The following MKLN1 variants were observed in gnomAD, a reference collection of about 807,000 sequenced individuals.
The protein encoded by MKLN1 is muskelin 1, also known as muskelin.
In MKLN1, 18 loss-of-function variants were observed where a neutral mutation model predicts 99.0. The observed-to-expected ratio is 0.18, with a 90% CI of 0.13 to 0.27. The LOEUF (loss-of-function observed/expected upper bound fraction) is 0.27, where lower values mean the gene tolerates loss of function less well. Ranked by LOEUF, MKLN1 falls within the 10% of genes least tolerant of loss-of-function variation. The pLI, the probability that MKLN1 is intolerant of heterozygous loss-of-function variation, is 1.00. For synonymous variants in MKLN1, 288 were observed against 293.2 expected (o/e 0.98, Z 0.18); for missense variants, 621 against 875.9 (o/e 0.71, Z 3.67).
At chr7:131,448,111 C>T (rs1465648345) in intron 12 of MKLN1, among the ~76,000 whole-genome samples, 5 of 152,070 alleles carry the variant, frequency 3.3e-5, no homozygotes, top group African/African-American at 9.7e-5. Flanking sequence ...GCCTGTAGTC[C>T]CAGCTACTCG....
intron 17 of MKLN1, among the ~76,000 whole-genome samples, chr7:131,481,010 A>G (rs1304711907): frequency 1.3e-5 from 2 of 152,200 alleles, no homozygotes; most frequent in Non-Finnish European, 2.9e-5. Flanking sequence ...ACTGCCAACT[A>G]ATATATTTTG....
chr7:131,126,567 T>C (rs569726244), intron 1 of MKLN1, among the ~76,000 whole-genome samples: 31 of 152,312 alleles, frequency 2.0e-4, no homozygotes, highest in Non-Finnish European at 3.7e-4. Flanking sequence ...TATATTTTTT[T>C]TTCCTGATGG....
At chr7:131,347,345 A>C (rs948659287) in intron 1 of MKLN1, among the ~76,000 whole-genome samples, 2 of 152,196 alleles carry the variant, frequency 1.3e-5, no homozygotes, top group Non-Finnish European at 2.9e-5. Context: ...GAAGCTGCTC[A>C]GGCACAGGAA....
chr7:131,364,341 C>T (rs1010441269), intron 1 of MKLN1, among the ~76,000 whole-genome samples: 4 of 152,036 alleles, frequency 2.6e-5, no homozygotes, highest in South Asian at 2.1e-4. Flanking sequence ...TTCTAGACTT[C>T]CTGTGTGTGT....
At chr7:131,130,579 A>T (rs1473448416) in intron 1 of MKLN1, among the ~76,000 whole-genome samples, 1 of 152,234 alleles carries the variant, frequency 6.6e-6, no homozygotes, top group Admixed American at 6.5e-5. Flanking sequence ...GATAATGTTA[A>T]TACGTAAGAA....
intron 2 of MKLN1, among the ~76,000 whole-genome samples, chr7:131,189,199 T>C (rs895613254): frequency 1.3e-5 from 2 of 152,228 alleles, no homozygotes; most frequent in African/African-American, 4.8e-5. Context: ...ACTTTTATCA[T>C]TGGGTGGTGG....
intron 16 of MKLN1, among the ~76,000 whole-genome samples, chr7:131,473,146 A>G (rs907314875): frequency 2.0e-5 from 3 of 152,180 alleles, no homozygotes; most frequent in Non-Finnish European, 2.9e-5. Flanking sequence ...TTTGGGGGGA[A>G]GAAATCCTCT....
At chr7:131,236,960 G>T (rs964380350) in intron 3 of MKLN1, among the ~76,000 whole-genome samples, 1 of 152,106 alleles carries the variant, frequency 6.6e-6, no homozygotes, top group Non-Finnish European at 1.5e-5. Context: ...TTGCACTCTA[G>T]CCCGGGTGAC....
intron 4 of MKLN1, among the ~76,000 whole-genome samples, chr7:131,392,841 G>T (rs193217776): frequency 7.9e-5 from 12 of 152,170 alleles, no homozygotes; most frequent in Non-Finnish European, 1.6e-4. Context: ...CCGACCTGAG[G>T]CGATCCACCC....
intron 2 of MKLN1, among the ~76,000 whole-genome samples, chr7:131,186,604 G>C (rs529041092): frequency 3.3e-5 from 5 of 152,154 alleles, no homozygotes; most frequent in Admixed American, 6.6e-5. Flanking sequence ...TGGGCTTACG[G>C]TCTGTTTTAT....
intron 1 of MKLN1, among the ~76,000 whole-genome samples, chr7:131,121,756 A>G (rs1795376424): frequency 6.6e-6 from 1 of 151,996 alleles, no homozygotes; most frequent in Non-Finnish European, 1.5e-5. Context: ...TTCTAAGTGC[A>G]GATGTCCCCT....
chr7:131,365,685 A>G (rs1482627270), intron 1 of MKLN1, among the ~76,000 whole-genome samples: 2 of 152,128 alleles, frequency 1.3e-5, no homozygotes, highest in Non-Finnish European at 1.5e-5. Flanking sequence ...CCCCAACATC[A>G]TTTATGGGAA....
At chr7:131,425,565 G>A (rs975927087) in intron 8 of MKLN1, among the ~76,000 whole-genome samples, 4 of 152,146 alleles carry the variant, frequency 2.6e-5, no homozygotes, top group Admixed American at 2.0e-4. Flanking sequence ...ATTCTCTAAA[G>A]TGCTTTGCGA....
At chr7:131,187,448 G>A (rs1796468713) in intron 2 of MKLN1, among the ~76,000 whole-genome samples, 1 of 152,062 alleles carries the variant, frequency 6.6e-6, no homozygotes, top group African/African-American at 2.4e-5. Context: ...ACTATGGCCT[G>A]AGGGCCAAAT....
Position 131,117,434 on chromosome 7 carries a change from A to AC in MKLN1, c.-419+7227_-419+7228insC, listed in dbSNP as rs1584770375. 1.6e-4 allele frequency among the ~76,000 whole-genome samples: 12 copies of AC among 74,710 alleles called. No homozygotes were observed. In the East Asian group the frequency reaches 3.8e-3, roughly 24 times the overall value. 49.0% of individuals were successfully genotyped at this position (74,710 alleles called of 152,430 possible). A position where few individuals can be genotyped will look rare whatever the true frequency, so the allele number is the denominator to read the frequency against. On this transcript the variant is annotated intron_variant, in intron 1 of 7. Transcript: ENST00000416992. ...GACAGACCGAGACTCCATCTCAGGAAAAACAACAACAACAACAACAACAAC... is the reference window on the plus strand; with the variant it reads ...GACAGACCGAGACTCCATCTCAGGAACAAACAACAACAACAACAACAACAAC...
intron 15 of MKLN1, among the ~76,000 whole-genome samples, chr7:131,469,098 C>T (rs1303095731): frequency 1.3e-5 from 2 of 151,622 alleles, no homozygotes; most frequent in Admixed American, 6.6e-5. Context: ...CTACTGACTA[C>T]TGCTGACTTT....
At chr7:131,406,547 A>G (rs1472571845) in intron 6 of MKLN1, among the ~76,000 whole-genome samples, 1 of 151,960 alleles carries the variant, frequency 6.6e-6, no homozygotes, top group African/African-American at 2.4e-5. Flanking sequence ...GCAATTGTTC[A>G]TTAATTTTAC....
chr7:131,218,784 T>C (rs963850395), intron 3 of MKLN1, among the ~76,000 whole-genome samples: 2 of 151,876 alleles, frequency 1.3e-5, no homozygotes, highest in Non-Finnish European at 2.9e-5. Context: ...CCTTCCAACC[T>C]TCCCCCCGAC....
At chr7:131,421,523 C>T (rs981152712) in intron 8 of MKLN1, among the ~76,000 whole-genome samples, 9 of 152,116 alleles carry the variant, frequency 5.9e-5, no homozygotes, top group South Asian at 2.1e-4. Context: ...ACTTCTTATT[C>T]GATCTTGAAT....
Sources: gnomAD v4.1 joint callset for allele counts (sites outside exome capture counted in the v4.1 genomes callset) on GRCh38, gnomAD v4.1.1 for gene constraint, MANE v1.5 for transcripts, NCBI Gene and HGNC (gene_info 2026-07-23, HGNC 2026-07-21) for gene names.